COG6: variants seen among roughly 807,000 people sequenced by gnomAD.
COG6 encodes the protein component of oligomeric golgi complex 6.
In COG6, 74 loss-of-function variants were observed where a neutral mutation model predicts 88.8. That is an observed-to-expected ratio of 0.83 (90% confidence interval 0.69 to 1.01). The LOEUF (loss-of-function observed/expected upper bound fraction) is 1.01, where lower values mean the gene tolerates loss of function less well. COG6 is among the 50% of genes least tolerant of loss of function. The probability of loss-of-function intolerance (pLI) is 0.00; values close to 1 mark genes in which losing one functional copy is unlikely to be tolerated. For synonymous variants in COG6, 286 were observed against 278.7 expected, an observed-to-expected ratio of 1.03 and a Z score of -0.26; for missense variants, 800 against 797.9, an observed-to-expected ratio of 1.00 and a Z score of -0.03.
chr13:39,679,892 A>G (rs927428461), intron 6 of COG6, 83 bp from the exon 7 acceptor site: 10 of 759,634 alleles, frequency 1.3e-5, no homozygotes, highest in Middle Eastern at 3.4e-4. Context: ...ATGCTGTAAT[A>G]TGTAATATGC....
intron 18 of COG6, among the ~76,000 whole-genome samples, chr13:39,747,150 G>A (rs76220569): frequency 2.2e-4 from 33 of 152,214 alleles, no homozygotes; most frequent in African/African-American, 7.9e-4. Context: ...CCTTCTAACA[G>A]TAATTTACTC....
rs1407170893 is a variant in COG6, at chr13:39,752,086, A to T, written c.*993A>T. 3 of 1,284,968 alleles carry T rather than the reference A, an allele frequency of 2.3e-6. No individual in the cohort carries two copies. Among genetic ancestry groups the T allele is most frequent in the East Asian group, 1.1e-4 (2 of 18,010 alleles). The allele number at this position is 1,284,968 out of a possible 1,614,324, so 79.6% of individuals were successfully genotyped here. A position where few individuals can be genotyped will look rare whatever the true frequency, so the allele number is the denominator to read the frequency against. On this transcript the variant is annotated 3_prime_UTR_variant, in exon 19 of 19. Transcript: ENST00000455146. Reference sequence around the variant, plus strand: ...TAGACCATTACCTATTAGGAAGATTAAAAATGACTGTATTTTTAAAGGAAT... The same window carrying T: ...TAGACCATTACCTATTAGGAAGATTTAAAATGACTGTATTTTTAAAGGAAT...
At chr13:39,698,443 A>C (rs1045224645) in intron 12 of COG6, among the ~76,000 whole-genome samples, 8 of 151,940 alleles carry the variant, frequency 5.3e-5, no homozygotes, top group Non-Finnish European at 1.2e-4. Context: ...GTAATTTGCT[A>C]GTATTTTGCT....
chr13:39,748,902 C>T (rs917992603), intron 18 of COG6, among the ~76,000 whole-genome samples: 1 of 152,122 alleles, frequency 6.6e-6, no homozygotes, highest in Non-Finnish European at 1.5e-5. Context: ...TTCCTTATTC[C>T]ATCCAACTAT....
chr13:39,734,100 A>G (rs1426649023), intron 18 of COG6, among the ~76,000 whole-genome samples: 1 of 151,858 alleles, frequency 6.6e-6, no homozygotes. Context: ...TTTTGTTTCA[A>G]TTTCATATAT....
intron 18 of COG6, among the ~76,000 whole-genome samples, chr13:39,749,663 C>A (rs569124545): frequency 6.6e-6 from 1 of 152,140 alleles, no homozygotes; most frequent in East Asian, 1.9e-4. Flanking sequence ...TTTTGTTGAA[C>A]ATTAAGAGCA....
At chr13:39,698,179 T>TA (rs56158896) in intron 12 of COG6, among the ~76,000 whole-genome samples, 46 of 148,810 alleles carry the variant, frequency 3.1e-4, no homozygotes, top group South Asian at 6.4e-4. Context: ...AACTCCATAT[T>TA]AAAAAAAAAA....
chr13:39,751,174 T>C lies in COG6; in HGVS notation c.*81T>C, dbSNP rs1043009557. 1 of 1,558,506 alleles carries C rather than the reference T, an allele frequency of 6.4e-7. No homozygotes were observed. Among genetic ancestry groups the C allele is most frequent in the Non-Finnish European group, 8.7e-7 (1 of 1,150,480 alleles). On this transcript the variant is annotated 3_prime_UTR_variant, in exon 19 of 19. Coordinates refer to ENST00000455146, the MANE Select transcript of COG6 (RefSeq NM_020751.3). ...TTTTTTATTCTTTGAATTTTTACTCTATAATTTGATAGTTACAGTTTTCTT... is the reference window on the plus strand; with the variant it reads ...TTTTTTATTCTTTGAATTTTTACTCCATAATTTGATAGTTACAGTTTTCTT...
intron 7 of COG6, among the ~76,000 whole-genome samples, 173 bp downstream of exon 7, chr13:39,680,218 G>C (rs1284922706): frequency 1.3e-5 from 2 of 152,006 alleles, no homozygotes; most frequent in African/African-American, 4.8e-5. Flanking sequence ...GATGCATTTT[G>C]ATTTAGTAAT....
In COG6 at chr13:39,694,828, A is replaced by G. The variant is rs1877176593; in HGVS notation, c.1166+103A>G. On this transcript the variant is annotated intron_variant, in intron 12 of 18. Coordinates refer to ENST00000455146, the MANE Select transcript of COG6 (RefSeq NM_020751.3). ...TTTATATTGTGTATAGTAATTATACACTAAGTATAGACTAAGCGTAACTAG... is the reference window on the plus strand; with the variant it reads ...TTTATATTGTGTATAGTAATTATACGCTAAGTATAGACTAAGCGTAACTAG... 8 of 646,266 alleles carry G rather than the reference A, an allele frequency of 1.2e-5. No individual in the cohort carries two copies. In the East Asian group the frequency reaches 2.0e-4, roughly 16 times the overall value. 40.0% of individuals were successfully genotyped at this position (646,266 alleles called of 1,614,324 possible). A position where few individuals can be genotyped will look rare whatever the true frequency, so the allele number is the denominator to read the frequency against.
intron 12 of COG6, among the ~76,000 whole-genome samples, chr13:39,695,528 T>A (rs770442344): frequency 5.9e-5 from 9 of 151,838 alleles, no homozygotes; most frequent in Admixed American, 2.0e-4. Flanking sequence ...GTATCAGGAA[T>A]AGTAGGCCAA....
intron 18 of COG6, among the ~76,000 whole-genome samples, chr13:39,765,692 A>T (rs761074625): frequency 4.6e-5 from 7 of 152,200 alleles, no homozygotes; most frequent in Non-Finnish European, 1.0e-4. Context: ...TACTGGGTAG[A>T]CATCCTGCTT....
At chr13:39,701,290 G>A (rs1172000767) in intron 13 of COG6, among the ~76,000 whole-genome samples, 1 of 151,766 alleles carries the variant, frequency 6.6e-6, no homozygotes, top group East Asian at 1.9e-4. Context: ...GATAAAGATG[G>A]TATCATCTAA....
chr13:39,655,827 C>T lies in COG6; in HGVS notation c.101C>T (p.Pro34Leu). Residue 34 changes from proline to leucine, a missense_variant, in exon 1 of 19, where the codon CCG becomes CTG. Coordinates refer to ENST00000455146, the MANE Select transcript of COG6 (RefSeq NM_020751.3). Reference sequence around the variant, plus strand: ...GGGACCTCGGCGACGACCTGCAACCCGCTGTCGCGCAAGCTGCATAAGATC... The same window carrying T: ...GGGACCTCGGCGACGACCTGCAACCTGCTGTCGCGCAAGCTGCATAAGATC... Reference protein sequence around the residue: ...AGGTSATTCNPLSRKLHKILE... With the variant: ...AGGTSATTCNLLSRKLHKILE... 6.2e-7 allele frequency: 1 copy of T among 1,603,820 alleles called. No homozygotes were observed. The highest frequency in any genetic ancestry group is 8.5e-7 in the Non-Finnish European group (1 of 1,176,038).
chr13:39,731,836 A>C (rs1407761211), intron 18 of COG6, among the ~76,000 whole-genome samples: 1 of 152,190 alleles, frequency 6.6e-6, no homozygotes, highest in African/African-American at 2.4e-5. Flanking sequence ...AAAATTAAAA[A>C]AAAATACTAC....
At chr13:39,689,866 T>A in intron 11 of COG6, 42 bp downstream of exon 11, 1 of 1,202,458 alleles carries the variant, frequency 8.3e-7, no homozygotes, top group Non-Finnish European at 1.2e-6. Context: ...GGTACCTGCT[T>A]AAATTATTAC....
intron 13 of COG6, among the ~76,000 whole-genome samples, chr13:39,706,680 A>T (rs4412861): frequency 0.068 from 10,372 of 152,122 alleles, 417 homozygotes; most frequent in Non-Finnish European, 0.095. Flanking sequence ...TTTTAAAAAA[A>T]TTATTGATTG....
chr13:39,694,955 G>GCACA (rs5803006), intron 12 of COG6, among the ~76,000 whole-genome samples: 8,494 of 142,492 alleles, frequency 0.06, 354 homozygotes, highest in African/African-American at 0.11. Context: ...TTAACTACAC[G>GCACA]CACACACACA....
intron 8 of COG6, among the ~76,000 whole-genome samples, chr13:39,686,824 G>A (rs1185898207): frequency 6.6e-6 from 1 of 152,070 alleles, no homozygotes; most frequent in Non-Finnish European, 1.5e-5. Context: ...GAACCTCACG[G>A]GCTCAAGTGA....
Sources: allele counts gnomAD v4.1 joint callset (sites outside exome capture counted in the v4.1 genomes callset), GRCh38; gene constraint gnomAD v4.1.1; transcripts MANE v1.5; gene names NCBI Gene and HGNC (gene_info 2026-07-23, HGNC 2026-07-21).